PFDN1: variants seen among roughly 807,000 people sequenced by gnomAD.
PFDN1 encodes prefoldin subunit 1.
A neutral mutation model predicts 17.3 loss-of-function variants in PFDN1; 6 were observed. The observed-to-expected ratio is 0.35, with a 90% CI of 0.19 to 0.69. The LOEUF is 0.69. Among genes scored for constraint, PFDN1 ranks in the 30% least tolerant of loss-of-function variants. The pLI, the probability that PFDN1 is intolerant of heterozygous loss-of-function variation, is 0.65. For synonymous variants in PFDN1, 58 were observed against 50.1 expected, an observed-to-expected ratio of 1.16 and a Z score of -0.67; for missense variants, 113 against 146.2, an observed-to-expected ratio of 0.77 and a Z score of 1.17.
intron 2 of PFDN1, among the ~76,000 whole-genome samples, chr5:140,283,656 T>C (rs543048991): frequency 1.3e-5 from 2 of 152,338 alleles, no homozygotes; most frequent in East Asian, 1.9e-4. Flanking sequence ...TCTTTTACTA[T>C]AGAACCCTTC....
intron 3 of PFDN1, among the ~76,000 whole-genome samples, chr5:140,259,212 A>G (rs1487899236): frequency 1.3e-5 from 2 of 152,182 alleles, no homozygotes; most frequent in African/African-American, 4.8e-5. Flanking sequence ...ATATCTTACA[A>G]CTTTAAAAAG....
At chr5:140,256,674 A>AAAAAAAAAAAAC (rs1764991640) in intron 3 of PFDN1, among the ~76,000 whole-genome samples, 1 of 147,348 alleles carries the variant, frequency 6.8e-6, no homozygotes. Flanking sequence ...AAAAAAAAAA[A>AAAAAAAAAAAAC]AAAAAAAAGC....
rs113890640 is a variant in PFDN1 at position 140,263,890 on chromosome 5, G to A, written c.285+17559C>T. On this transcript the variant is annotated intron_variant, in intron 3 of 3. Transcript: ENST00000261813. ...CAAAAAATTAGCCCGGTGTGGTGGC[G>A]GGCGCCTGTAGTCCCAGCTACTCAG... Among the ~76,000 whole-genome samples, 1,360 of 151,520 alleles carry A rather than the reference G, an allele frequency of 9.0e-3. 17 individuals are homozygous for A. Among genetic ancestry groups the A allele is most frequent in the African/African-American group, 0.03 (1,243 of 41,276 alleles).
intron 3 of PFDN1, among the ~76,000 whole-genome samples, chr5:140,273,101 C>T (rs753768837): frequency 6.6e-6 from 1 of 151,874 alleles, no homozygotes; most frequent in African/African-American, 2.4e-5. Context: ...AAAAATTAGC[C>T]GGGCATGGTG....
chr5:140,253,999 G>A (rs1303298766), intron 3 of PFDN1, among the ~76,000 whole-genome samples: 2 of 152,164 alleles, frequency 1.3e-5, no homozygotes, highest in Non-Finnish European at 2.9e-5. Flanking sequence ...TGAAGTTTGA[G>A]ACTCAAACTT....
At chr5:140,290,545 A>G (rs1411053685) in intron 2 of PFDN1, among the ~76,000 whole-genome samples, 4 of 152,242 alleles carry the variant, frequency 2.6e-5, no homozygotes, top group African/African-American at 9.6e-5. Context: ...ACTCAGTGAA[A>G]GTACATACTA....
At chr5:140,259,148 G>A (rs114940563) in intron 3 of PFDN1, among the ~76,000 whole-genome samples, 122 of 152,288 alleles carry the variant, frequency 8.0e-4, no homozygotes, top group Non-Finnish European at 1.1e-3. Flanking sequence ...GTGACAACAC[G>A]TCAGAAATGG....
intron 3 of PFDN1, among the ~76,000 whole-genome samples, chr5:140,264,883 G>A (rs892247413): frequency 8.5e-5 from 13 of 152,136 alleles, no homozygotes; most frequent in Admixed American, 2.0e-4. Flanking sequence ...TTTTAAAGAG[G>A]GTAGCAATGT....
intron 3 of PFDN1, among the ~76,000 whole-genome samples, chr5:140,276,483 A>G (rs536861858): frequency 1.3e-5 from 2 of 152,314 alleles, no homozygotes; most frequent in South Asian, 4.1e-4. Context: ...AGCAAGCTCC[A>G]AAGACTGAGA....
At position 140,263,817 on chromosome 5, in the gene PFDN1, C is replaced by G. The variant is rs1004542344; in HGVS notation, c.285+17632G>C. On this transcript the variant is annotated intron_variant, in intron 3 of 3. Transcript: ENST00000261813. The stretch of plus-strand genomic sequence containing the variant: ...TGGGCAGATCACGAGGTCAGGAGAT[C>G]GAGACCATCCTGACTAACACAGTGA... Among the ~76,000 whole-genome samples, 3 of 151,358 alleles carry G rather than the reference C, an allele frequency of 2.0e-5. No homozygotes were observed. In the South Asian group the frequency reaches 6.3e-4, roughly 32 times the overall value.
At chr5:140,290,234 A>C (rs750163430) in intron 2 of PFDN1, among the ~76,000 whole-genome samples, 1 of 152,206 alleles carries the variant, frequency 6.6e-6, no homozygotes, top group Non-Finnish European at 1.5e-5. Flanking sequence ...GCATCCCCCA[A>C]GATTTAAGCC....
intron 3 of PFDN1, among the ~76,000 whole-genome samples, chr5:140,268,492 C>A (rs1283996617): frequency 6.6e-6 from 1 of 151,904 alleles, no homozygotes; most frequent in African/African-American, 2.4e-5. Flanking sequence ...TACTAAAATA[C>A]AAAAATTAGC....
At chr5:140,282,070 C>T (rs1269418101) in intron 2 of PFDN1, 2 of 151,388 alleles carry the variant, frequency 1.3e-5, no homozygotes, top group Admixed American at 1.3e-4. Context: ...GCCTGTAGTC[C>T]CAGCTACTAG....
Position 140,300,565 on chromosome 5 carries a change from T to C in PFDN1, c.51A>G (p.Gln17=). Residue 17 remains glutamine (Q), a synonymous_variant, in exon 2 of 4, where the codon CAA becomes CAG. Transcript: ENST00000261813. ...LELKKAFTEL[Q]AKVIDTQQKV... ...TCTGTTGAGTGTCAATAACTTTGGC[T>C]TGAAGCTCTGTGAAGGCCTAATAAA... 1 of 1,610,290 alleles carries C rather than the reference T, an allele frequency of 6.2e-7. No individual in the cohort carries two copies. The highest frequency in any genetic ancestry group is 1.7e-5 in the Admixed American group (1 of 59,432).
intron 3 of PFDN1, among the ~76,000 whole-genome samples, chr5:140,277,512 T>TAA (rs1005800584): frequency 6.8e-6 from 1 of 146,986 alleles, no homozygotes; most frequent in African/African-American, 2.5e-5. Context: ...CAGAATTTAT[T>TAA]AAAAAAAAAA....
intron 2 of PFDN1, among the ~76,000 whole-genome samples, chr5:140,285,047 C>A (rs1482728715): frequency 2.0e-5 from 3 of 152,194 alleles, no homozygotes; most frequent in African/African-American, 7.2e-5. Context: ...AATCCCAGAT[C>A]ACTTGCACTG....
intron 3 of PFDN1, among the ~76,000 whole-genome samples, chr5:140,255,411 C>G (rs537255491): frequency 9.2e-5 from 14 of 152,012 alleles, no homozygotes; most frequent in South Asian, 2.1e-4. Flanking sequence ...TTTACAGAAC[C>G]CTGGCCGAGA....
chr5:140,274,944 G>T (rs945637495), intron 3 of PFDN1, among the ~76,000 whole-genome samples: 5 of 145,230 alleles, frequency 3.4e-5, no homozygotes, highest in Non-Finnish European at 7.4e-5. Context: ...AGTGAGCCGA[G>T]ATTGTGATAC....
chr5:140,269,954 T>G (rs368204013), intron 3 of PFDN1, among the ~76,000 whole-genome samples: 1 of 152,222 alleles, frequency 6.6e-6, no homozygotes, highest in African/African-American at 2.4e-5. Flanking sequence ...AAATTTCTAT[T>G]TATGGCTGAA....
Sources: gnomAD v4.1 joint callset for allele counts (sites outside exome capture counted in the v4.1 genomes callset) on GRCh38, gnomAD v4.1.1 for gene constraint, MANE v1.5 for transcripts, NCBI Gene and HGNC (gene_info 2026-07-23, HGNC 2026-07-21) for gene names.